The following PTPN18 variants were observed in gnomAD, a reference collection of about 807,000 sequenced individuals.
The protein encoded by PTPN18 is tyrosine-protein phosphatase non-receptor type 18.
PTPN18 carries 65 observed loss-of-function variants against 65.4 expected under a neutral mutation model. The observed-to-expected ratio is 0.99, with a 90% confidence interval of 0.81 to 1.22. PTPN18 has a LOEUF of 1.22. PTPN18 is among the 50% of genes most tolerant of loss of function. The probability of loss-of-function intolerance (pLI) is 0.00; values close to 1 mark genes in which losing one functional copy is unlikely to be tolerated. For missense variants in PTPN18, 616 were observed against 646.5 expected, an observed-to-expected ratio of 0.95 and a Z score of 0.51; for synonymous variants, 255 against 267.8, an observed-to-expected ratio of 0.95 and a Z score of 0.47.
In PTPN18 at chr2:130,358,941, C is replaced by T. The variant is rs1163091515; in HGVS notation, c.168C>T (p.Asn56=). The T allele has an allele frequency of 4.3e-6, 7 of 1,614,170 alleles. No individual in the cohort carries two copies. The highest frequency in any genetic ancestry group is 5.9e-6 in the Non-Finnish European group (7 of 1,180,020). Residue 56 remains asparagine, a synonymous_variant, in exon 2 of 15, where the codon AAC becomes AAT. Coordinates refer to ENST00000175756, the MANE Select transcript of PTPN18 (RefSeq NM_014369.4). ...CCGTGGCCGGCAGTCGGCCAGAGAA[C>T]GTGAGGAAGAACCGCTACAAAGACG... ...CSTVAGSRPE[N]VRKNRYKDVL...
chr2:130,372,810 G>C, intron 13 of PTPN18, 63 bp from the exon 14 acceptor site: 1 of 1,577,376 alleles, frequency 6.3e-7, no homozygotes, highest in Non-Finnish European at 8.7e-7. Context: ...CCCCGCTAGG[G>C]GTGGGGTCTT....
intron 1 of PTPN18, 106 bp from the exon 2 acceptor site, chr2:130,358,761 G>C (rs909096860): frequency 1.2e-6 from 1 of 854,372 alleles, no homozygotes; most frequent in Non-Finnish European, 1.9e-6. Context: ...CACCTCCCCA[G>C]GCCACTGGCT....
intron 11 of PTPN18, 98 bp from the exon 12 acceptor site, chr2:130,371,101 C>A: frequency 7.2e-7 from 1 of 1,379,958 alleles, no homozygotes; most frequent in Non-Finnish European, 1.0e-6. Flanking sequence ...CTCCAGGCAT[C>A]CTTATCAGGC....
At position 130,374,297 on chromosome 2, in the gene PTPN18, T is replaced by G; in HGVS notation, c.*1073T>G. 8.4e-6 allele frequency: 2 copies of G among 239,068 alleles called. No homozygotes were observed. Among genetic ancestry groups the G allele is most frequent in the South Asian group, 1.1e-4 (2 of 18,958 alleles). 14.8% of individuals were successfully genotyped at this position (239,068 alleles called of 1,614,324 possible). The stretch of plus-strand genomic sequence containing the variant: ...TCCCAACCAGACTGACCCCTTACTA[T>G]TCACACAGCCTGCCGAGTAGCTGGG... On this transcript the variant is annotated 3_prime_UTR_variant, in exon 15 of 15. Coordinates refer to ENST00000175756, the MANE Select transcript of PTPN18 (RefSeq NM_014369.4).
Position 130,374,895 on chromosome 2 carries a change from C to A in PTPN18, c.*1671C>A. 1 of 300,974 alleles carries A rather than the reference C, an allele frequency of 3.3e-6. No individual in the cohort carries two copies. The highest frequency in any genetic ancestry group is 2.8e-5 in the South Asian group (1 of 35,324). The allele number at this position is 300,974 out of a possible 1,614,324, so 18.6% of individuals were successfully genotyped here. ...GGGGATGTGTACATACCCCACCCCA[C>A]CCCTTGGCAGGGTGATGCTGAGGTG... is the stretch of plus-strand genomic sequence containing the variant. On this transcript the variant is annotated 3_prime_UTR_variant, in exon 15 of 15. Coordinates refer to ENST00000175756, the MANE Select transcript of PTPN18 (RefSeq NM_014369.4).
At chr2:130,367,050 ATTTTTTT>A (rs57039741) in intron 5 of PTPN18, among the ~76,000 whole-genome samples, 29 of 104,214 alleles carry the variant, frequency 2.8e-4, no homozygotes, top group Middle Eastern at 6.6e-3. Context: ...GCTAATTTTA[ATTTTTTT>A]TTTTTTTTTT....
rs1373090363 is a variant in PTPN18 at position 130,370,720 on chromosome 2, T to A, written c.772T>A (p.Phe258Ile). 2 of 1,614,214 alleles carry A rather than the reference T, an allele frequency of 1.2e-6. No individual in the cohort carries two copies. The highest frequency in any genetic ancestry group is 1.7e-5 in the Admixed American group (1 of 60,026). Residue 258 changes from phenylalanine to isoleucine, a missense_variant, in exon 10 of 15, where the codon TTC (phenylalanine) becomes ATC (isoleucine). By Grantham distance (21) the Phe-to-Ile change is conservative. Around this residue, in one of 3 missense-constraint regions of PTPN18, gnomAD observed 368 missense variants for 386.7 expected, o/e 0.95. Transcript: ENST00000175756. Reference sequence around the variant, plus strand: ...TCTGCCCCAGATGATCCCACCTGACTTCAGTCTCTTTGATGTGGTCCTTAA... The same window carrying A: ...TCTGCCCCAGATGATCCCACCTGACATCAGTCTCTTTGATGTGGTCCTTAA... ...LLLTQMIPPD[F>I]SLFDVVLKMR...
intron 5 of PTPN18, among the ~76,000 whole-genome samples, chr2:130,366,364 A>G (rs1243688343): frequency 2.0e-5 from 3 of 152,120 alleles, no homozygotes; most frequent in Non-Finnish European, 4.4e-5. Flanking sequence ...AGTTTTGTCA[A>G]ATTTTGTTCT....
At position 130,370,203 on chromosome 2, in the gene PTPN18, G is replaced by T; in HGVS notation, c.689+13G>T. 1 of 1,608,368 alleles carries T rather than the reference G, an allele frequency of 6.2e-7. No homozygotes were observed. On this transcript the variant is annotated intron_variant, in intron 8 of 14. Transcript: ENST00000175756. ...GTGTCCACTGCAGGTTTTGGAAATG[G>T]GCTTCAGGAGGGTCTGGTGAGGCAG...
chr2:130,366,790 C>T (rs1462218143), intron 5 of PTPN18, among the ~76,000 whole-genome samples: 1 of 149,334 alleles, frequency 6.7e-6, no homozygotes, highest in Non-Finnish European at 1.5e-5. Context: ...TCTGTATTTC[C>T]ATTTGTATCA....
At chr2:130,370,483 C>A (rs939943822) in intron 8 of PTPN18, 74 bp from the exon 9 acceptor site, 2 of 1,547,396 alleles carry the variant, frequency 1.3e-6, no homozygotes, top group South Asian at 2.2e-5. Context: ...GACCCTCACC[C>A]CCATCCCCAA....
chr2:130,357,964 T>C (rs1680047115), intron 1 of PTPN18, among the ~76,000 whole-genome samples: 1 of 151,958 alleles, frequency 6.6e-6, no homozygotes, highest in African/African-American at 2.4e-5. Context: ...ATGTAAAATA[T>C]ATAATTATAC....
intron 11 of PTPN18, 98 bp downstream of exon 11, chr2:130,371,062 CACTG>C (rs1680549124): frequency 7.1e-7 from 1 of 1,405,944 alleles, no homozygotes; most frequent in Admixed American, 1.9e-5. Context: ...TGGGAGCAGG[CACTG>C]ACTATGACAT....
At chr2:130,360,975 A>G (rs994739046) in intron 5 of PTPN18, among the ~76,000 whole-genome samples, 5 of 152,062 alleles carry the variant, frequency 3.3e-5, no homozygotes, top group African/African-American at 1.2e-4. Flanking sequence ...AGGAATACAG[A>G]CACATGCCAC....
At chr2:130,359,355 G>T (rs746477021) in intron 3 of PTPN18, 42 bp from the exon 4 acceptor site, 1 of 1,614,014 alleles carries the variant, frequency 6.2e-7, no homozygotes, top group South Asian at 1.1e-5. Context: ...AGTGGCCAGG[G>T]GTGGGCCGCA....
chr2:130,359,900 C>T (rs57002833), intron 5 of PTPN18: 10,512 of 546,374 alleles, frequency 0.019, 568 homozygotes, highest in East Asian at 0.14. Flanking sequence ...TGACTGCTTC[C>T]CCTGTAGGCT....
chr2:130,362,808 ATTTTTGTTTTTG>A (rs982721860), intron 5 of PTPN18, among the ~76,000 whole-genome samples: 7 of 151,902 alleles, frequency 4.6e-5, no homozygotes, highest in Non-Finnish European at 7.4e-5. Context: ...CCACAGTAAG[ATTTTTGTTTTTG>A]TTTTTGTTTT....
rs760451053 is a variant in PTPN18 at position 130,370,197 on chromosome 2, G to A, written c.689+7G>A. 3 of 1,609,616 alleles carry A rather than the reference G, an allele frequency of 1.9e-6. No homozygotes were observed. The highest frequency in any genetic ancestry group is 4.5e-5 in the East Asian group (2 of 44,852). On this transcript the variant is annotated splice_region_variant and intron_variant, in intron 8 of 14. Transcript: ENST00000175756. Reference sequence around the variant, plus strand: ...CCCTCTGTGTCCACTGCAGGTTTTGGAAATGGGCTTCAGGAGGGTCTGGTG... The same window carrying A: ...CCCTCTGTGTCCACTGCAGGTTTTGAAAATGGGCTTCAGGAGGGTCTGGTG...
rs373527704 is a variant in PTPN18, at chr2:130,372,943, G to T, written c.1311G>T (p.Gly437=). The T allele has an allele frequency of 8.1e-6, 13 of 1,614,126 alleles. No homozygotes were observed. In the African/African-American group the frequency reaches 9.3e-5, roughly 12 times the overall value. ...TGGCGGGTGGAGCTCAGACCGGTGGGCTAGGTAAGTCAGGTAGAGCCTGGG... is the reference window on the plus strand; with the variant it reads ...TGGCGGGTGGAGCTCAGACCGGTGGTCTAGGTAAGTCAGGTAGAGCCTGGG... ...EDVAGGAQTG[G]LGFNLRIGRP... The change falls in exon 14 of 15, where the codon GGG becomes GGT. Residue 437 remains glycine, a synonymous_variant. Transcript: ENST00000175756.
Sources: allele counts gnomAD v4.1 joint callset (sites outside exome capture counted in the v4.1 genomes callset), GRCh38; gene constraint gnomAD v4.1.1; regional missense constraint gnomAD v4.1.1; transcripts MANE v1.5; gene names NCBI Gene and HGNC (gene_info 2026-07-23, HGNC 2026-07-21).